Variants in EPS15L1 observed in about 807,000 individuals in gnomAD.
The protein encoded by EPS15L1 is epidermal growth factor receptor pathway substrate 15 like 1, also known as epidermal growth factor receptor substrate 15-like 1.
In EPS15L1, 43 loss-of-function variants were observed where a neutral mutation model predicts 117.1. That is an observed-to-expected ratio of 0.37 (90% CI 0.29 to 0.47). The LOEUF is 0.47. Among genes scored for constraint, EPS15L1 ranks in the 20% least tolerant of loss-of-function variants. The probability of loss-of-function intolerance (pLI) is 0.99; values close to 1 mark genes in which losing one functional copy is unlikely to be tolerated. For missense variants in EPS15L1, 981 were observed against 1,164.0 expected, an observed-to-expected ratio of 0.84 and a Z score of 2.29; for synonymous variants, 459 against 470.5, an observed-to-expected ratio of 0.98 and a Z score of 0.32.
chr19:16,361,606 C>A, intron 23 of EPS15L1, 173 bp downstream of exon 23: 7 of 1,305,316 alleles, frequency 5.4e-6, no homozygotes, highest in South Asian at 2.4e-5. Flanking sequence ...TATTGAGAAA[C>A]TGTTTTTCTT....
intron 18 of EPS15L1, among the ~76,000 whole-genome samples, chr19:16,393,666 A>AAT (rs1568413097): frequency 6.7e-6 from 1 of 149,590 alleles, no homozygotes; most frequent in African/African-American, 2.5e-5. Flanking sequence ...AAAAAAATAA[A>AAT]AAATAAATAA....
chr19:16,423,573 T>C (rs1054922169), intron 9 of EPS15L1, among the ~76,000 whole-genome samples: 4 of 151,506 alleles, frequency 2.6e-5, no homozygotes, highest in Admixed American at 2.0e-4. Flanking sequence ...CTGTCTCTTA[T>C]ATATTTAAAA....
At chr19:16,382,440 CAG>C (rs2092373679) in intron 21 of EPS15L1, among the ~76,000 whole-genome samples, 1 of 152,144 alleles carries the variant, frequency 6.6e-6, no homozygotes, top group South Asian at 2.1e-4. Context: ...AAAAGGAAGA[CAG>C]AAAAAGCTAC....
rs1028721550 is a variant in EPS15L1 at position 16,428,904 on chromosome 19, C to T, written c.499-143G>A. ...CAATATACATTTCAGGACCAGTCCG[C>T]GAGTTCTCAGAAAAACCATCACCTG... On this transcript the variant is annotated intron_variant, in intron 7 of 23. Coordinates refer to ENST00000455140, the MANE Select transcript of EPS15L1 (RefSeq NM_001258374.3). 14 of 636,128 alleles carry T rather than the reference C, an allele frequency of 2.2e-5. No homozygotes were observed. In the East Asian group the frequency reaches 3.1e-4, roughly 14 times the overall value. 39.4% of individuals were successfully genotyped at this position (636,128 alleles called of 1,614,324 possible).
At chr19:16,394,097 G>A (rs2092513762) in intron 17 of EPS15L1, 96 bp from the exon 18 acceptor site, 1 of 1,011,308 alleles carries the variant, frequency 9.9e-7, no homozygotes, top group South Asian at 1.3e-5. Context: ...GCCTTTCATT[G>A]CCTTCTACTC....
At position 16,418,066 on chromosome 19, in the gene EPS15L1, T is replaced by C. The variant is rs149380860; in HGVS notation, c.989A>G (p.Lys330Arg). ...ADTRQTGKLSKDQFALAMYFI... is the reference protein window; with the variant it reads ...ADTRQTGKLSRDQFALAMYFI... ...ATACATAGCTAACGCGAATTGGTCT[T>C]TGCTTAACTTCCCCGTTTGCCTCGT... Residue 330 changes from lysine to arginine, a missense_variant, in exon 11 of 24, where the codon AAA (lysine) becomes AGA (arginine). Lys to Arg is a conservative substitution (Grantham distance 26). Coordinates refer to ENST00000455140, the MANE Select transcript of EPS15L1 (RefSeq NM_001258374.3). The C allele has an allele frequency of 1.9e-6, 3 of 1,614,162 alleles. No homozygotes were observed. Among genetic ancestry groups the C allele is most frequent in the Non-Finnish European group, 2.5e-6 (3 of 1,180,010 alleles).
At chr19:16,449,667 A>G (rs2093120893) in intron 1 of EPS15L1, among the ~76,000 whole-genome samples, 1 of 152,186 alleles carries the variant, frequency 6.6e-6, no homozygotes, top group Non-Finnish European at 1.5e-5. Flanking sequence ...GGGAGAAATG[A>G]AGAGTCATGT....
chr19:16,361,936 G>A lies in EPS15L1; in HGVS notation c.2429C>T (p.Ala810Val). The A allele has an allele frequency of 6.2e-6, 10 of 1,613,928 alleles. No homozygotes were observed. Among genetic ancestry groups the A allele is most frequent in the Non-Finnish European group, 7.6e-6 (9 of 1,179,944 alleles). The change falls in exon 23 of 24, where the codon GCC becomes GTC. Residue 810 changes from alanine to valine, a missense_variant. By Grantham distance (64) the Ala-to-Val change is moderately conservative (BLOSUM62 0). Coordinates refer to ENST00000455140, the MANE Select transcript of EPS15L1 (RefSeq NM_001258374.3). ...CCCGAGTGGCTGGAATGGATCGGGG[G>A]CCTCGGGAAAGTCTGCGGAACCAAG... ...SQLGSADFPE[A>V]PDPFQPLGAD... is the part of the protein sequence containing the mutation.
chr19:16,364,325 C>T (rs115140590), intron 22 of EPS15L1, among the ~76,000 whole-genome samples: 1,828 of 152,316 alleles, frequency 0.012, 33 homozygotes, highest in African/African-American at 0.042. Context: ...CCAGCCCACG[C>T]GGGCAGGACA....
chr19:16,363,418 T>C (rs896914295), intron 22 of EPS15L1, among the ~76,000 whole-genome samples: 2 of 152,112 alleles, frequency 1.3e-5, no homozygotes, highest in Non-Finnish European at 2.9e-5. Flanking sequence ...CTGGGACACC[T>C]GCCTTCCTCA....
At chr19:16,403,269 G>A (rs893548887) in intron 15 of EPS15L1, among the ~76,000 whole-genome samples, 2 of 152,160 alleles carry the variant, frequency 1.3e-5, no homozygotes, top group Non-Finnish European at 2.9e-5. Context: ...GGCGTCCCAG[G>A]CAGCTTAGAG....
Position 16,377,167 on chromosome 19 carries a change from G to A in EPS15L1, c.2335C>T (p.Leu779=), listed in dbSNP as rs1198572711. Residue 779 remains leucine, a synonymous_variant, in exon 22 of 24, where the codon CTG becomes TTG. Transcript: ENST00000455140. ...GGAGGAGCAGGTTTCTTCGGAGGCA[G>A]AGCAGGAGTGTCCTGTTTACTTTTA... ...PFKSKQDTPA[L]PPKKPAPPRP... 2 of 1,611,708 alleles carry A rather than the reference G, an allele frequency of 1.2e-6. No homozygotes were observed. The highest frequency in any genetic ancestry group is 8.5e-7 in the Non-Finnish European group (1 of 1,179,046).
intron 1 of EPS15L1, among the ~76,000 whole-genome samples, chr19:16,462,141 T>C (rs2093258998): frequency 1.3e-5 from 2 of 152,202 alleles, no homozygotes; most frequent in Admixed American, 6.5e-5. Flanking sequence ...CCAGTTGTTT[T>C]ACCTCTCTCC....
intron 8 of EPS15L1, 70 bp from the exon 9 acceptor site, chr19:16,425,386 G>C: frequency 1.8e-6 from 2 of 1,133,064 alleles, no homozygotes; most frequent in Non-Finnish European, 2.6e-6. Context: ...GAAGGCAGAG[G>C]GCAGCCCTTT....
intron 21 of EPS15L1, among the ~76,000 whole-genome samples, chr19:16,384,774 C>T (rs561734468): frequency 2.6e-5 from 4 of 152,316 alleles, no homozygotes; most frequent in Admixed American, 6.5e-5. Flanking sequence ...CTGGACGCCT[C>T]GCACCTGCAG....
intron 9 of EPS15L1, among the ~76,000 whole-genome samples, 158 bp downstream of exon 9, chr19:16,424,925 T>C (rs2092854270): frequency 6.6e-6 from 1 of 152,086 alleles, no homozygotes; most frequent in South Asian, 2.1e-4. Context: ...CCTCCCAAAG[T>C]GCTGGGATTA....
Position 16,405,952 on chromosome 19 carries a change from G to T in EPS15L1, c.1267-1203C>A, listed in dbSNP as rs1465737599. On this transcript the variant is annotated intron_variant, in intron 13 of 23. Transcript: ENST00000455140. This position sits in a 1 kb window ranked among gnomAD's most constrained non-coding sequence, Gnocchi z 4.0. ...TGGAGCGTGGTGCAAGGGGCCATCA[G>T]GACGCAGGAACTGCAGGGGCCTCGG... Among the ~76,000 whole-genome samples, 1 of 152,246 alleles carries T rather than the reference G, an allele frequency of 6.6e-6. No individual in the cohort carries two copies. The highest frequency in any genetic ancestry group is 2.4e-5 in the African/African-American group (1 of 41,476).
Position 16,434,562 on chromosome 19 carries a change from G to A in EPS15L1, c.373-72C>T, listed in dbSNP as rs2092960919. 1.1e-5 allele frequency: 17 copies of A among 1,524,212 alleles called. 1 individual carries two copies. The South Asian group carries it at 1.4e-4, about 12-fold the overall frequency. 94.4% of individuals were successfully genotyped at this position (1,524,212 alleles called of 1,614,324 possible). A position where few individuals can be genotyped will look rare whatever the true frequency, so the allele number is the denominator to read the frequency against. On this transcript the variant is annotated intron_variant, in intron 6 of 23. Coordinates refer to ENST00000455140, the MANE Select transcript of EPS15L1 (RefSeq NM_001258374.3). ...TGAATGTCCAGACCGAGCTCTGACC[G>A]AAAGCCAAGTGAAAATGGCCACGGA...
rs536817512 is a variant in EPS15L1 at position 16,401,079 on chromosome 19, A to G, written c.1791+1242T>C. The G allele has an allele frequency of 3.9e-3, 3,856 of 985,430 alleles. 13 individuals carry two copies. Among genetic ancestry groups the G allele is most frequent in the Non-Finnish European group, 4.5e-3 (3,715 of 829,932 alleles). The allele number at this position is 985,430 out of a possible 1,614,324, so 61.0% of individuals were successfully genotyped here. ...GCTTCTCGTAACTCATGAAGGATGA[A>G]TGCTCATCGTTTAAATTTAGACGAT... On this transcript the variant is annotated intron_variant, in intron 16 of 23. Transcript: ENST00000455140.
Sources: allele counts gnomAD v4.1 joint callset (sites outside exome capture counted in the v4.1 genomes callset), GRCh38; gene constraint gnomAD v4.1.1; non-coding constraint Gnocchi (gnomAD v3.1); transcripts MANE v1.5; gene names NCBI Gene and HGNC (gene_info 2026-07-23, HGNC 2026-07-21).